Variants in SUN1 observed in about 807,000 individuals in gnomAD.
SUN1 encodes SUN domain-containing protein 1.
Under a neutral mutation model 103.2 loss-of-function variants are expected in SUN1, and 61 were observed. The observed-to-expected ratio is 0.59, with a 90% confidence interval of 0.48 to 0.73. The LOEUF (loss-of-function observed/expected upper bound fraction) is 0.73, where lower values mean the gene tolerates loss of function less well. Among genes scored for constraint, SUN1 ranks in the 30% least tolerant of loss-of-function variants. The pLI, the probability that SUN1 is intolerant of heterozygous loss-of-function variation, is 0.00. For synonymous variants in SUN1, 490 were observed against 425.7 expected (o/e 1.15, Z -1.86); for missense variants, 1,052 against 1,034.6 (o/e 1.02, Z -0.23).
intron 15 of SUN1, among the ~76,000 whole-genome samples, chr7:864,261 A>C (rs1450881259): frequency 2.6e-5 from 4 of 152,060 alleles, no homozygotes; most frequent in African/African-American, 9.7e-5. Context: ...AAAAATGCAC[A>C]ATTAGGCCAG....
Position 839,161 on chromosome 7 carries a change from G to T in SUN1, c.266+175G>T, listed in dbSNP as rs559303175. 6 of 549,528 alleles carry T rather than the reference G, an allele frequency of 1.1e-5. No individual in the cohort carries two copies. In the East Asian group the frequency reaches 2.0e-4, roughly 18 times the overall value. The allele number at this position is 549,528 out of a possible 1,614,324, so 34.0% of individuals were successfully genotyped here. Reference sequence around the variant, plus strand: ...AAAGTGGTAGTTTGCTGCAAATAAAGACTGAAAGGAACTCTGGAATCTGTG... The same window carrying T: ...AAAGTGGTAGTTTGCTGCAAATAAATACTGAAAGGAACTCTGGAATCTGTG... On this transcript the variant is annotated intron_variant, in intron 2 of 18. Transcript: ENST00000401592.
At chr7:858,970 A>G (rs1829998374) in intron 13 of SUN1, among the ~76,000 whole-genome samples, 2 of 152,100 alleles carry the variant, frequency 1.3e-5, no homozygotes, top group South Asian at 2.1e-4. Flanking sequence ...CCTGGCCAAC[A>G]TGGTGAAACC....
chr7:828,124 G>A (rs763175376), upstream of SUN1, among the ~76,000 whole-genome samples: 1 of 151,046 alleles, frequency 6.6e-6, no homozygotes, highest in East Asian at 2.0e-4. Flanking sequence ...GGCTGGTCTC[G>A]AACTCCTGAC....
chr7:851,337 C>A (rs1358365322), intron 5 of SUN1, 47 bp from the exon 6 acceptor site: 1 of 1,514,302 alleles, frequency 6.6e-7, no homozygotes, highest in Non-Finnish European at 9.0e-7. Flanking sequence ...ACTGCAGAGG[C>A]TGGTCCCTGG....
chr7:848,777 C>G (rs779303297), intron 5 of SUN1, among the ~76,000 whole-genome samples: 13 of 152,186 alleles, frequency 8.5e-5, no homozygotes, highest in Non-Finnish European at 1.6e-4. Context: ...TCCCTGGGAG[C>G]TTGTGGAACT....
Position 857,826 on chromosome 7 carries a change from A to G in SUN1, c.1395-2A>G. ...TGACCCATTCTCACTGTTGGATTCC[A>G]GTGCGGTTGGTGAGCAGCTCCTGCC... On this transcript the variant is annotated splice_acceptor_variant, in intron 12 of 18. Transcript: ENST00000401592. LOFTEE classifies it high-confidence loss of function. 6.3e-7 allele frequency: 1 copy of G among 1,576,666 alleles called. No individual in the cohort carries two copies. Among genetic ancestry groups the G allele is most frequent in the Non-Finnish European group, 8.7e-7 (1 of 1,155,090 alleles).
intron 1 of SUN1, among the ~76,000 whole-genome samples, chr7:823,663 G>C (rs901677041): frequency 6.6e-6 from 1 of 152,216 alleles, no homozygotes; most frequent in African/African-American, 2.4e-5. Context: ...AAGGTAGGCA[G>C]ATTTCTCTGT....
At chr7:851,732 T>G in intron 6 of SUN1, 1 of 626,284 alleles carries the variant, frequency 1.6e-6, no homozygotes, top group Non-Finnish European at 2.8e-6. Flanking sequence ...AGAGAATGCA[T>G]GGATCTGGGG....
intron 15 of SUN1, among the ~76,000 whole-genome samples, chr7:862,347 G>T (rs1832859321): frequency 6.6e-6 from 1 of 152,160 alleles, no homozygotes; most frequent in African/African-American, 2.4e-5. Flanking sequence ...CCATGTGGTT[G>T]CGCAGGATCC....
At position 870,142 on chromosome 7, in the gene SUN1, T is replaced by C. The variant is rs1377328998; in HGVS notation, c.2148+626T>C. Among the ~76,000 whole-genome samples, 3 of 148,264 alleles carry C rather than the reference T, an allele frequency of 2.0e-5. No individual in the cohort carries two copies. In the East Asian group the frequency reaches 6.0e-4, roughly 29 times the overall value. ...AATCACTTGATATAGGAGGTGGAGG[T>C]TGCCGTGAGCTGAGATCCTGCCACT... On this transcript the variant is annotated intron_variant, in intron 17 of 18. Transcript: ENST00000401592.
At chr7:824,193 C>T (rs540940319) in intron 1 of SUN1, among the ~76,000 whole-genome samples, 1 of 152,354 alleles carries the variant, frequency 6.6e-6, no homozygotes, top group African/African-American at 2.4e-5. Flanking sequence ...GAAGACAGAT[C>T]TCCGCACAGG....
chr7:837,842 T>C (rs1323738816), intron 1 of SUN1, among the ~76,000 whole-genome samples: 4 of 152,236 alleles, frequency 2.6e-5, no homozygotes, highest in African/African-American at 9.7e-5. Context: ...TCACAGGTTT[T>C]CTTAAACTAG....
chr7:851,902 G>T lies in SUN1; in HGVS notation c.758-48G>T, dbSNP rs746822032. The T allele has an allele frequency of 5.6e-6, 9 of 1,596,944 alleles. No homozygotes were observed. In the Admixed American group the frequency reaches 1.4e-4, roughly 24 times the overall value. On this transcript the variant is annotated intron_variant, in intron 6 of 18. Coordinates refer to ENST00000401592, the MANE Select transcript of SUN1 (RefSeq NM_001130965.3). Reference sequence around the variant, plus strand: ...CAGAAATGGTCCATTTAGGAGCTTGGTTTTCCTAAAAACATTTCCTTAGAA... The same window carrying T: ...CAGAAATGGTCCATTTAGGAGCTTGTTTTTCCTAAAAACATTTCCTTAGAA...
intron 17 of SUN1, among the ~76,000 whole-genome samples, chr7:871,673 C>G (rs1841811531): frequency 1.3e-5 from 2 of 152,242 alleles, no homozygotes; most frequent in Non-Finnish European, 2.9e-5. Flanking sequence ...CAGGCGTGAG[C>G]CACTGTGCCC....
Position 860,069 on chromosome 7 carries a change from G to A in SUN1, c.1525-59G>A, listed in dbSNP as rs191477323. ...CTGAGGTATCTAAGATAATGGACCC[G>A]AACAGTGGAAGTGATTTAGTTAAAA... On this transcript the variant is annotated intron_variant, in intron 13 of 18. Coordinates refer to ENST00000401592, the MANE Select transcript of SUN1 (RefSeq NM_001130965.3). 7,063 of 1,590,424 alleles carry A rather than the reference G, an allele frequency of 4.4e-3. 26 individuals carry two copies. The highest frequency in any genetic ancestry group is 5.1e-3 in the Non-Finnish European group (5,938 of 1,166,418).
chr7:840,863 G>A (rs558932194), intron 2 of SUN1, among the ~76,000 whole-genome samples: 5 of 151,832 alleles, frequency 3.3e-5, no homozygotes, highest in Non-Finnish European at 5.9e-5. Flanking sequence ...GGATGGTCCC[G>A]ATCTCCTGAC....
At chr7:857,612 T>A (rs1169145174) in intron 12 of SUN1, among the ~76,000 whole-genome samples, 1 of 152,170 alleles carries the variant, frequency 6.6e-6, no homozygotes, top group Admixed American at 6.5e-5. Flanking sequence ...GTGTGAACAT[T>A]TGTATGTTAC....
intron 1 of SUN1, among the ~76,000 whole-genome samples, chr7:825,700 G>C (rs533226796): frequency 3.3e-5 from 5 of 152,280 alleles, no homozygotes; most frequent in African/African-American, 7.2e-5. Context: ...TGAAATTGGA[G>C]ATGCAATGCC....
intron 1 of SUN1, chr7:817,050 C>T (rs941772868): frequency 1.1e-5 from 2 of 174,606 alleles, no homozygotes; most frequent in Admixed American, 1.2e-4. Flanking sequence ...AGGCCTCGGC[C>T]CGGGCTGCCC....
Sources: gnomAD v4.1 joint callset for allele counts (sites outside exome capture counted in the v4.1 genomes callset) on GRCh38, gnomAD v4.1.1 for gene constraint, MANE v1.5 for transcripts, NCBI Gene and HGNC (gene_info 2026-07-23, HGNC 2026-07-21) for gene names.